HNRNPD: variants seen among roughly 807,000 people sequenced by gnomAD.
HNRNPD encodes the protein heterogeneous nuclear ribonucleoprotein D0.
HNRNPD carries 3 observed loss-of-function variants against 47.9 expected under a neutral mutation model. The observed-to-expected ratio is 0.06, with a 90% CI of 0.03 to 0.16. The LOEUF (loss-of-function observed/expected upper bound fraction) is 0.16, where lower values mean the gene tolerates loss of function less well. Ranked by LOEUF, HNRNPD falls within the 10% of genes least tolerant of loss-of-function variation. The pLI, the probability that HNRNPD is intolerant of heterozygous loss-of-function variation, is 1.00. For missense variants in HNRNPD, 287 were observed against 454.2 expected, an observed-to-expected ratio of 0.63 and a Z score of 3.35; for synonymous variants, 171 against 165.1, an observed-to-expected ratio of 1.04 and a Z score of -0.28.
intron 3 of HNRNPD, 167 bp from the exon 4 acceptor site, chr4:82,358,987 T>C (rs1227070012): frequency 6.7e-6 from 4 of 600,854 alleles, no homozygotes; most frequent in South Asian, 2.2e-5. Flanking sequence ...AACTAACATA[T>C]ACTGTTTAAA....
chr4:82,370,898 C>T (rs1274346547), intron 2 of HNRNPD, among the ~76,000 whole-genome samples: 1 of 151,812 alleles, frequency 6.6e-6, no homozygotes, highest in African/African-American at 2.4e-5. Flanking sequence ...ATTAATATTC[C>T]AGCCAAATCA....
Position 82,373,625 on chromosome 4 carries a change from C to A in HNRNPD, c.54G>T (p.Ala18=). 6.5e-7 allele frequency: 1 copy of A among 1,527,362 alleles called. No homozygotes were observed. The highest frequency in any genetic ancestry group is 8.7e-7 in the Non-Finnish European group (1 of 1,143,108). 94.6% of individuals were successfully genotyped at this position (1,527,362 alleles called of 1,614,324 possible). A position where few individuals can be genotyped will look rare whatever the true frequency, so the allele number is the denominator to read the frequency against. The change falls in exon 1 of 9, where the codon GCG becomes GCT. Residue 18 remains alanine, a synonymous_variant. Transcript: ENST00000313899. ...CCTGCTCGCCCGCCGAGCCGCCTAC[C>A]GCCGCCGTTGCCGCTGCCGCCGCCC... The part of the protein sequence containing the change: ...GDGAAAAATA[A]VGGSAGEQEG...
At chr4:82,372,492 C>T (rs988782492) in intron 1 of HNRNPD, among the ~76,000 whole-genome samples, 1 of 151,946 alleles carries the variant, frequency 6.6e-6, no homozygotes, top group African/African-American at 2.4e-5. Context: ...GATATCAAGA[C>T]ACCAAAATAG....
intron 2 of HNRNPD, among the ~76,000 whole-genome samples, chr4:82,367,103 T>C (rs1356326347): frequency 6.7e-6 from 1 of 149,732 alleles, no homozygotes; most frequent in Non-Finnish European, 1.5e-5. Flanking sequence ...TGGCATGAAA[T>C]GATCCTCATA....
At chr4:82,366,274 C>T (rs1719750324) in intron 2 of HNRNPD, among the ~76,000 whole-genome samples, 1 of 152,082 alleles carries the variant, frequency 6.6e-6, no homozygotes. Context: ...GACAGAGTCT[C>T]GCTTTGTCGC....
At position 82,373,516 on chromosome 4, in the gene HNRNPD, C is replaced by T; in HGVS notation, c.163G>A (p.Gly55Ser). 2.6e-6 allele frequency: 4 copies of T among 1,545,452 alleles called. No individual in the cohort carries two copies. The highest frequency in any genetic ancestry group is 3.5e-6 in the Non-Finnish European group (4 of 1,144,646). Reference protein sequence around the residue: ...AGTGGGTASGGTEGGSAESEG... With the variant: ...AGTGGGTASGSTEGGSAESEG... ...GACTCGGCGCTGCCCCCTTCGGTGC[C>T]TCCAGACGCGGTTCCGCCCCCGGTC... is the stretch of plus-strand genomic sequence containing the variant. Residue 55 changes from glycine (G) to serine (S), a missense_variant, in exon 1 of 9, where the codon GGC becomes AGC. Around this residue, in one of 5 missense-constraint regions of HNRNPD, gnomAD observed 161 missense variants for 137.1 expected, o/e 1.17. Coordinates refer to ENST00000313899, the MANE Select transcript of HNRNPD (RefSeq NM_031370.3).
At chr4:82,367,127 G>C (rs974672975) in intron 2 of HNRNPD, among the ~76,000 whole-genome samples, 1 of 149,498 alleles carries the variant, frequency 6.7e-6, no homozygotes, top group Non-Finnish European at 1.5e-5. Flanking sequence ...CAAGACTTCT[G>C]AGTAGCCAGT....
chr4:82,365,176 C>T (rs536688162), intron 2 of HNRNPD, among the ~76,000 whole-genome samples: 1 of 152,240 alleles, frequency 6.6e-6, no homozygotes, highest in East Asian at 1.9e-4. Flanking sequence ...CCACCACACC[C>T]AGCCAATCCT....
chr4:82,357,434 A>G lies in HNRNPD; in HGVS notation c.632T>C (p.Ile211Thr). ...YFGGFGEVES[I>T]ELPMDNKTNK... The stretch of plus-strand genomic sequence containing the variant: ...GGTCTTGTTGTCCATGGGGAGCTCT[A>G]TGGATTCCACCTGGTATTAAAAAAC... The change falls in exon 5 of 9, where the codon ATA becomes ACA. Residue 211 changes from isoleucine to threonine, a missense_variant. Around this residue, in one of 5 missense-constraint regions of HNRNPD, gnomAD observed 39 missense variants for 113.1 expected, o/e 0.34. Transcript: ENST00000313899. 1 of 1,606,720 alleles carries G rather than the reference A, an allele frequency of 6.2e-7. No homozygotes were observed.
rs1723607924 is a variant in HNRNPD, at chr4:82,353,777, A to G, written c.*408T>C. ...TGTCTTCCAAACTTATGCTTTTAAT[A>G]ACTTGAATCCATGACAATTTTTCCT... On this transcript the variant is annotated 3_prime_UTR_variant, in exon 9 of 9. Transcript: ENST00000313899. 6.6e-6 allele frequency: 1 copy of G among 152,644 alleles called. No individual in the cohort carries two copies. The highest frequency in any genetic ancestry group is 1.5e-5 in the Non-Finnish European group (1 of 68,016). The allele number at this position is 152,644 out of a possible 1,614,324, so 9.5% of individuals were successfully genotyped here. A position where few individuals can be genotyped will look rare whatever the true frequency, so the allele number is the denominator to read the frequency against.
At position 82,371,922 on chromosome 4, in the gene HNRNPD, C is replaced by A. The variant is rs1033932390; in HGVS notation, c.234-338G>T. Among the ~76,000 whole-genome samples, 4 of 151,956 alleles carry A rather than the reference C, an allele frequency of 2.6e-5. No individual in the cohort carries two copies. In the East Asian group the frequency reaches 7.7e-4, roughly 29 times the overall value. ...TGTTTAATTTTTAAAAGTTTGCTTC[C>A]CTTCCCACCACCACTCCCCCAAAAC... On this transcript the variant is annotated intron_variant, in intron 1 of 8. Transcript: ENST00000313899.
rs1390565857 is a variant in HNRNPD, at chr4:82,353,335, GTA to G, written c.*848_*849del. On this transcript the variant is annotated 3_prime_UTR_variant, in exon 9 of 9. Coordinates refer to ENST00000313899, the MANE Select transcript of HNRNPD (RefSeq NM_031370.3). Reference sequence around the variant, plus strand: ...AAATAAGCACACACACATAAACACGGTATATATTTCTTTAATCCTCCCTCAAC... The same window carrying G: ...AAATAAGCACACACACATAAACACGGTATATTTCTTTAATCCTCCCTCAAC... 2 of 152,010 alleles carry G rather than the reference GTA, an allele frequency of 1.3e-5. No homozygotes were observed. Among genetic ancestry groups the G allele is most frequent in the Non-Finnish European group, 2.9e-5 (2 of 67,992 alleles). 9.4% of individuals were successfully genotyped at this position (152,010 alleles called of 1,614,324 possible). A position where few individuals can be genotyped will look rare whatever the true frequency, so the allele number is the denominator to read the frequency against.
intron 2 of HNRNPD, among the ~76,000 whole-genome samples, chr4:82,368,081 TTA>T (rs1719853422): frequency 6.6e-6 from 1 of 152,174 alleles, no homozygotes; most frequent in African/African-American, 2.4e-5. Flanking sequence ...CTAACATAAG[TTA>T]TGTTTCACCC....
chr4:82,359,229 C>T (rs1032506348), intron 3 of HNRNPD, among the ~76,000 whole-genome samples: 2 of 152,226 alleles, frequency 1.3e-5, no homozygotes, highest in South Asian at 2.1e-4. Context: ...TTTAACTAGG[C>T]ATCTTTAAGT....
At chr4:82,373,310 A>T in intron 1 of HNRNPD, 136 bp downstream of exon 1, 1 of 1,169,060 alleles carries the variant, frequency 8.6e-7, no homozygotes, top group Non-Finnish European at 1.2e-6. Context: ...ACATAGAAAA[A>T]GGGAGACCAG....
At chr4:82,355,251 AT>A in intron 8 of HNRNPD, 52 bp downstream of exon 8, 3 of 953,870 alleles carry the variant, frequency 3.1e-6, no homozygotes, top group Non-Finnish European at 5.0e-6. Context: ...AACAATATAG[AT>A]TATAAAAACT....
intron 1 of HNRNPD, among the ~76,000 whole-genome samples, chr4:82,372,760 A>G (rs559051769): frequency 7.9e-5 from 12 of 152,348 alleles, no homozygotes; most frequent in African/African-American, 2.6e-4. Context: ...TGTACCAACA[A>G]GAAACTCGGA....
At chr4:82,357,216 AG>A in intron 5 of HNRNPD, 96 bp downstream of exon 5, 3 of 1,344,212 alleles carry the variant, frequency 2.2e-6, no homozygotes, top group Non-Finnish European at 3.0e-6. Context: ...AAGTTTTTAA[AG>A]CATGCAAAGA....
At chr4:82,363,031 T>C (rs905852824) in intron 2 of HNRNPD, among the ~76,000 whole-genome samples, 2 of 129,052 alleles carry the variant, frequency 1.5e-5, no homozygotes, top group South Asian at 2.2e-4. Context: ...TTTATATATA[T>C]ATGTGTGTGT....
Sources: allele counts gnomAD v4.1 joint callset (sites outside exome capture counted in the v4.1 genomes callset), GRCh38; gene constraint gnomAD v4.1.1; regional missense constraint gnomAD v4.1.1; transcripts MANE v1.5; gene names NCBI Gene and HGNC (gene_info 2026-07-23, HGNC 2026-07-21).